The following CSMD3 variants were observed in gnomAD, a reference collection of about 807,000 sequenced individuals.
CSMD3 encodes CUB and sushi domain-containing protein 3.
Under a neutral mutation model 435.2 loss-of-function variants are expected in CSMD3, and 177 were observed. The observed-to-expected ratio is 0.41, with a 90% CI of 0.36 to 0.46. CSMD3 has a LOEUF of 0.46. CSMD3 is among the 20% of genes least tolerant of loss of function. The pLI is 0.34. For missense variants in CSMD3, 4,265 were observed against 4,504.6 expected (o/e 0.95, Z 1.52); for synonymous variants, 1,656 against 1,520.5 (o/e 1.09, Z -2.07).
At chr8:113,206,600 A>G (rs1252399983) in intron 3 of CSMD3, among the ~76,000 whole-genome samples, 1 of 152,058 alleles carries the variant, frequency 6.6e-6, no homozygotes, top group Non-Finnish European at 1.5e-5. Flanking sequence ...TTAATTGCCT[A>G]GTTTTTACAC....
At position 112,961,441 on chromosome 8, in the gene CSMD3, C is replaced by A. The variant is rs571910659; in HGVS notation, c.1343-6680G>T. On this transcript the variant is annotated intron_variant, in intron 7 of 70. Transcript: ENST00000297405. Reference sequence around the variant, plus strand: ...TAATTATTTAACGTATTTCAAGATTCTCCACTAACAAGACCATTTTCTATT... The same window carrying A: ...TAATTATTTAACGTATTTCAAGATTATCCACTAACAAGACCATTTTCTATT... Among the ~76,000 whole-genome samples, 119 of 151,884 alleles carry A rather than the reference C, an allele frequency of 7.8e-4. 2 individuals are homozygous for A. In the South Asian group the frequency reaches 0.024, roughly 31 times the overall value.
intron 8 of CSMD3, among the ~76,000 whole-genome samples, chr8:112,951,788 A>G (rs986698843): frequency 2.6e-5 from 4 of 151,762 alleles, no homozygotes; most frequent in African/African-American, 9.7e-5. Context: ...AGAATAAGAA[A>G]GAAAACACAA....
In CSMD3 at chr8:113,038,217, A is replaced by G. The variant is rs140241803; in HGVS notation, c.918-19038T>C. Among the ~76,000 whole-genome samples, 867 of 152,314 alleles carry G rather than the reference A, an allele frequency of 5.7e-3. 9 individuals are homozygous for G. The highest frequency in any genetic ancestry group is 0.019 in the African/African-American group (782 of 41,568). Reference sequence around the variant, plus strand: ...AAGACTGTCTAGTAACAGTAGAAAAAAACTGTAGTTGGAATATAAAACATA... The same window carrying G: ...AAGACTGTCTAGTAACAGTAGAAAAGAACTGTAGTTGGAATATAAAACATA... On this transcript the variant is annotated intron_variant, in intron 5 of 70. Coordinates refer to ENST00000297405, the MANE Select transcript of CSMD3 (RefSeq NM_198123.2).
intron 13 of CSMD3, among the ~76,000 whole-genome samples, chr8:112,692,992 C>T (rs1176511734): frequency 2.0e-5 from 3 of 151,266 alleles, no homozygotes; most frequent in Non-Finnish European, 4.4e-5. Flanking sequence ...ATAACATAGC[C>T]TGTATAAAGT....
intron 7 of CSMD3, among the ~76,000 whole-genome samples, chr8:112,971,237 C>T (rs1224490163): frequency 6.6e-6 from 1 of 152,132 alleles, no homozygotes; most frequent in Non-Finnish European, 1.5e-5. Flanking sequence ...ACCTGCTATC[C>T]AGTACAATGT....
intron 27 of CSMD3, among the ~76,000 whole-genome samples, chr8:112,549,881 A>G (rs916962240): frequency 6.6e-5 from 10 of 152,052 alleles, no homozygotes; most frequent in African/African-American, 2.2e-4. Flanking sequence ...ACTGGTTTTC[A>G]CTCATAGTTG....
chr8:112,666,758 GTTTC>G (rs2075535699), intron 16 of CSMD3, among the ~76,000 whole-genome samples: 1 of 151,936 alleles, frequency 6.6e-6, no homozygotes. Flanking sequence ...GTTAGCTTTG[GTTTC>G]TTTCTCTTTG....
intron 32 of CSMD3, among the ~76,000 whole-genome samples, chr8:112,458,358 C>G (rs1033498020): frequency 6.6e-6 from 1 of 152,032 alleles, no homozygotes; most frequent in Non-Finnish European, 1.5e-5. Flanking sequence ...TCCCTGTCCT[C>G]TCACCCAGAT....
chr8:112,370,882 GAC>G (rs1240131215), intron 38 of CSMD3, among the ~76,000 whole-genome samples: 4 of 152,176 alleles, frequency 2.6e-5, no homozygotes, highest in Admixed American at 6.5e-5. Flanking sequence ...AACAATGCCT[GAC>G]ACACAGAGTT....
At chr8:113,100,650 T>C (rs538877463) in intron 4 of CSMD3, among the ~76,000 whole-genome samples, 2 of 152,190 alleles carry the variant, frequency 1.3e-5, no homozygotes, top group South Asian at 4.1e-4. Flanking sequence ...TGTTCTCATC[T>C]CAAAAATAAA....
chr8:113,173,360 T>C (rs533144781), intron 4 of CSMD3, among the ~76,000 whole-genome samples: 1 of 152,204 alleles, frequency 6.6e-6, no homozygotes, highest in Non-Finnish European at 1.5e-5. Flanking sequence ...CTTGCTCTGT[T>C]GCCTAGGCTG....
intron 22 of CSMD3, among the ~76,000 whole-genome samples, chr8:112,596,835 T>C (rs1197773937): frequency 2.6e-5 from 4 of 151,462 alleles, no homozygotes; most frequent in Non-Finnish European, 4.4e-5. Flanking sequence ...AAAGACACAA[T>C]ATACCAGAAT....
At chr8:113,086,590 AT>A (rs1446029449) in intron 5 of CSMD3, among the ~76,000 whole-genome samples, 40 of 152,340 alleles carry the variant, frequency 2.6e-4, no homozygotes, top group African/African-American at 9.1e-4. Context: ...AAGAAAATAT[AT>A]CATAAATATT....
chr8:113,194,987 C>T (rs564857153), intron 3 of CSMD3, among the ~76,000 whole-genome samples: 4 of 151,306 alleles, frequency 2.6e-5, no homozygotes, highest in Admixed American at 6.6e-5. Context: ...TGCCCCTGAT[C>T]TCTTCCATCT....
chr8:113,284,229 G>C (rs746058275), intron 2 of CSMD3, among the ~76,000 whole-genome samples: 31 of 150,532 alleles, frequency 2.1e-4, no homozygotes, highest in Non-Finnish European at 3.3e-4. Context: ...AATACTTATG[G>C]AAAAAAAAAG....
intron 4 of CSMD3, among the ~76,000 whole-genome samples, chr8:113,117,347 T>C (rs1401061926): frequency 6.6e-6 from 1 of 152,178 alleles, no homozygotes; most frequent in African/African-American, 2.4e-5. Context: ...GCAGCTTCCA[T>C]GTGGTATTGA....
At chr8:112,559,125 C>T (rs886109591) in intron 24 of CSMD3, among the ~76,000 whole-genome samples, 4 of 151,700 alleles carry the variant, frequency 2.6e-5, no homozygotes, top group Non-Finnish European at 5.9e-5. Context: ...GGGCTAAGAG[C>T]GACACTTGAG....
chr8:113,370,755 T>C (rs189567774), intron 1 of CSMD3, among the ~76,000 whole-genome samples: 2 of 152,090 alleles, frequency 1.3e-5, no homozygotes, highest in African/African-American at 4.8e-5. Flanking sequence ...TCTTACCCTA[T>C]TACACCAACA....
At chr8:112,724,744 G>A (rs534268696) in intron 13 of CSMD3, among the ~76,000 whole-genome samples, 34 of 152,116 alleles carry the variant, frequency 2.2e-4, no homozygotes, top group African/African-American at 7.5e-4. Flanking sequence ...TATTGCTGAA[G>A]GAGTGAATGT....
Sources: allele counts gnomAD v4.1 joint callset (sites outside exome capture counted in the v4.1 genomes callset), GRCh38; gene constraint gnomAD v4.1.1; transcripts MANE v1.5; gene names NCBI Gene and HGNC (gene_info 2026-07-23, HGNC 2026-07-21).